ME3: variants seen among roughly 807,000 people sequenced by gnomAD.
ME3 encodes NADP-dependent malic enzyme, mitochondrial.
ME3 carries 48 observed loss-of-function variants against 68.9 expected under a neutral mutation model. The observed-to-expected ratio is 0.70, with a 90% CI of 0.55 to 0.89. The LOEUF (loss-of-function observed/expected upper bound fraction) is 0.89, where lower values mean the gene tolerates loss of function less well. ME3 is among the 40% of genes least tolerant of loss of function. The pLI is 0.00. For synonymous variants in ME3, 320 were observed against 318.8 expected, an observed-to-expected ratio of 1.00 and a Z score of -0.04; for missense variants, 675 against 797.4, an observed-to-expected ratio of 0.85 and a Z score of 1.85.
chr11:86,537,278 A>G (rs55642630), intron 4 of ME3, among the ~76,000 whole-genome samples: 7,360 of 146,342 alleles, frequency 0.05, 257 homozygotes, highest in Middle Eastern at 0.1. Flanking sequence ...CTAAAACTTA[A>G]AGTATAATAA....
At chr11:86,502,084 T>C (rs1330049397) in intron 5 of ME3, among the ~76,000 whole-genome samples, 3 of 152,234 alleles carry the variant, frequency 2.0e-5, no homozygotes, top group Non-Finnish European at 4.4e-5. Context: ...AATTTCCCCT[T>C]TATTCTTTCC....
chr11:86,597,711 C>T (rs1235391155), intron 2 of ME3, among the ~76,000 whole-genome samples: 1 of 152,082 alleles, frequency 6.6e-6, no homozygotes, highest in African/African-American at 2.4e-5. Flanking sequence ...TTATTTCGAG[C>T]CAAATATGAG....
chr11:86,437,129 G>GTT (rs1948902751), downstream of ME3: 1 of 152,020 alleles, frequency 6.6e-6, no homozygotes, highest in African/African-American at 2.4e-5. Context: ...TTGTTCATGT[G>GTT]TACACATTAT....
chr11:86,586,312 TGTGAA>T (rs1453233300), intron 2 of ME3, among the ~76,000 whole-genome samples: 7 of 151,884 alleles, frequency 4.6e-5, no homozygotes, highest in Non-Finnish European at 8.8e-5. Flanking sequence ...AATGGAAAAA[TGTGAA>T]GTGGAGAACT....
chr11:86,581,732 A>C (rs1260464610), intron 2 of ME3, among the ~76,000 whole-genome samples: 2 of 152,024 alleles, frequency 1.3e-5, no homozygotes, highest in African/African-American at 4.8e-5. Context: ...TGCATTCCCT[A>C]CTCAGCAATG....
rs934276800 is a variant in ME3 at position 86,487,448 on chromosome 11, A to G, written c.706-8T>C. 1.2e-6 allele frequency: 2 copies of G among 1,611,922 alleles called. No individual in the cohort carries two copies. The highest frequency in any genetic ancestry group is 1.7e-6 in the Non-Finnish European group (2 of 1,178,434). On this transcript the variant is annotated splice_region_variant and splice_polypyrimidine_tract_variant and intron_variant, in intron 6 of 14. Coordinates refer to ENST00000543262, the Ensembl canonical transcript of ME3. ...AGGGTCTCTGAGCAGCTCCTGGAAC[A>G]GACAGCACCCATTGACTGAGCCTAC...
At chr11:86,500,437 C>T (rs1319905581) in intron 5 of ME3, among the ~76,000 whole-genome samples, 1 of 152,220 alleles carries the variant, frequency 6.6e-6, no homozygotes, top group Non-Finnish European at 1.5e-5. Flanking sequence ...GCAATCCTAC[C>T]ATGGTTATAG....
intron 2 of ME3, among the ~76,000 whole-genome samples, chr11:86,640,820 T>C (rs1422694980): frequency 6.6e-6 from 1 of 152,136 alleles, no homozygotes; most frequent in African/African-American, 2.4e-5. Context: ...TTTTCTCTCC[T>C]CCCCAATTCA....
rs57608294 is a variant in ME3 at position 86,521,455 on chromosome 11, A to AATAATAATAAT, written c.468-12589_468-12588insATTATTATTAT. ...AAAATAATAATAATAATAATAATAA[A>AATAATAATAAT]AAAATGGAGCTGTAATCATTAAATC... On this transcript the variant is annotated intron_variant, in intron 4 of 14. Transcript: ENST00000543262. Among the ~76,000 whole-genome samples the AATAATAATAAT allele has an allele frequency of 5.1e-3, 589 of 114,676 alleles. 11 individuals carry two copies. The highest frequency in any genetic ancestry group is 0.02 in the African/African-American group (576 of 28,882). 75.2% of individuals were successfully genotyped at this position (114,676 alleles called of 152,430 possible).
chr11:86,471,970 A>G (rs1048773776), intron 7 of ME3, among the ~76,000 whole-genome samples: 3 of 152,218 alleles, frequency 2.0e-5, no homozygotes, highest in Non-Finnish European at 4.4e-5. Context: ...TGCCAGGTAC[A>G]TGGGAAGCCT....
At chr11:86,497,937 A>G in intron 6 of ME3, 26 bp downstream of exon 6, 1 of 1,554,924 alleles carries the variant, frequency 6.4e-7, no homozygotes. Context: ...TTGGCCCCAG[A>G]GCTCCTGCCC....
intron 2 of ME3, among the ~76,000 whole-genome samples, chr11:86,569,046 T>C (rs1313904399): frequency 6.6e-6 from 1 of 152,204 alleles, no homozygotes; most frequent in Non-Finnish European, 1.5e-5. Context: ...ATAATGCAGG[T>C]AACATGCTTA....
chr11:86,560,653 A>G (rs1399142287), intron 2 of ME3, among the ~76,000 whole-genome samples: 4 of 150,886 alleles, frequency 2.7e-5, no homozygotes, highest in African/African-American at 9.7e-5. Flanking sequence ...CAGATTTTTT[A>G]AAGTTTTTAT....
chr11:86,655,686 G>A (rs1171636558), intron 2 of ME3, among the ~76,000 whole-genome samples: 14 of 151,660 alleles, frequency 9.2e-5, no homozygotes, highest in South Asian at 2.1e-4. Context: ...ACATAGGCAT[G>A]GGCAAGGACT....
At chr11:86,612,805 A>T (rs1325071862) in intron 2 of ME3, among the ~76,000 whole-genome samples, 1 of 152,162 alleles carries the variant, frequency 6.6e-6, no homozygotes, top group East Asian at 1.9e-4. Context: ...AATTCTGGAT[A>T]TTAGACCTTT....
intron 2 of ME3, among the ~76,000 whole-genome samples, chr11:86,573,441 T>TGG (rs1554985565): frequency 6.6e-6 from 1 of 151,646 alleles, no homozygotes; most frequent in Non-Finnish European, 1.5e-5. Context: ...TTTTTTTTTT[T>TGG]GGTATATATG....
At chr11:86,570,818 T>G (rs1222308149) in intron 2 of ME3, among the ~76,000 whole-genome samples, 5 of 152,184 alleles carry the variant, frequency 3.3e-5, no homozygotes, top group Non-Finnish European at 7.4e-5. Context: ...TCAATTTTCC[T>G]TCCATGGGAT....
At chr11:86,614,579 G>C (rs533021968) in intron 2 of ME3, among the ~76,000 whole-genome samples, 1 of 152,222 alleles carries the variant, frequency 6.6e-6, no homozygotes, top group Non-Finnish European at 1.5e-5. Flanking sequence ...GAGGGACCCA[G>C]GTCTCCAAAT....
intron 2 of ME3, among the ~76,000 whole-genome samples, chr11:86,621,518 GT>G (rs937864950): frequency 6.6e-6 from 1 of 151,888 alleles, no homozygotes; most frequent in Non-Finnish European, 1.5e-5. Flanking sequence ...ACTTCAGAAA[GT>G]TTTTTTTCTA....
Sources: allele counts gnomAD v4.1 joint callset (sites outside exome capture counted in the v4.1 genomes callset), GRCh38; gene constraint gnomAD v4.1.1; transcripts MANE v1.5; gene names NCBI Gene and HGNC (gene_info 2026-07-23, HGNC 2026-07-21).